Variants in IMMP2L observed in about 807,000 individuals in gnomAD.
IMMP2L encodes the protein inner mitochondrial membrane peptidase subunit 2, also known as mitochondrial inner membrane protease subunit 2.
A neutral mutation model predicts 19.3 loss-of-function variants in IMMP2L; 18 were observed. The observed-to-expected ratio is 0.93, with a 90% confidence interval of 0.64 to 1.38. IMMP2L has a LOEUF of 1.38. Ranked by LOEUF, IMMP2L falls within the 40% of genes most tolerant of loss-of-function variation. The pLI is 0.00. For synonymous variants in IMMP2L, 76 were observed against 73.0 expected, an observed-to-expected ratio of 1.04 and a Z score of -0.21; for missense variants, 233 against 218.2, an observed-to-expected ratio of 1.07 and a Z score of -0.43.
intron 3 of IMMP2L, chr7:111,091,157 G>GCACC (rs1796819535): frequency 6.6e-6 from 1 of 152,146 alleles, no homozygotes; most frequent in African/African-American, 2.4e-5. Context: ...GGTGAACGAT[G>GCACC]CACCACTAAC....
chr7:111,032,946 G>A (rs1465078095), intron 3 of IMMP2L, among the ~76,000 whole-genome samples: 2 of 151,630 alleles, frequency 1.3e-5, no homozygotes, highest in Admixed American at 1.3e-4. Context: ...ATGGTGAAAC[G>A]CCATCTCTAC....
intron 5 of IMMP2L, among the ~76,000 whole-genome samples, chr7:110,843,538 G>A (rs1352217322): frequency 6.6e-6 from 1 of 152,012 alleles, no homozygotes; most frequent in South Asian, 2.1e-4. Flanking sequence ...TATATTATTG[G>A]GTAAATATGT....
intron 3 of IMMP2L, among the ~76,000 whole-genome samples, chr7:111,418,691 T>G (rs1004476529): frequency 6.6e-6 from 1 of 151,772 alleles, no homozygotes; most frequent in African/African-American, 2.4e-5. Flanking sequence ...AATATATTGA[T>G]CAAATCAAAT....
rs1009753765 is a variant in IMMP2L, at chr7:111,411,493, T to C, written c.239+75745A>G. On this transcript the variant is annotated intron_variant, in intron 3 of 5. Transcript: ENST00000405709. The stretch of plus-strand genomic sequence containing the variant: ...TCACGGGCAAGCACGGCATGGGCTG[T>C]ATTGACATTATGGAGAACTGCTTCA... 6.6e-6 allele frequency: 3 copies of C among 455,938 alleles called. 1 individual carries two copies. Among genetic ancestry groups the C allele is most frequent in the African/African-American group, 4.1e-5 (2 of 49,144 alleles). The allele number at this position is 455,938 out of a possible 1,614,324, so 28.2% of individuals were successfully genotyped here. A position where few individuals can be genotyped will look rare whatever the true frequency, so the allele number is the denominator to read the frequency against.
At chr7:111,124,841 A>G in intron 3 of IMMP2L, 1 of 1,612,568 alleles carries the variant, frequency 6.2e-7, no homozygotes, top group Non-Finnish European at 8.5e-7. Context: ...GGAAAAGAAA[A>G]AAGTACATCA....
intron 3 of IMMP2L, among the ~76,000 whole-genome samples, chr7:111,061,066 A>T (rs531577352): frequency 6.6e-6 from 1 of 152,238 alleles, no homozygotes; most frequent in Non-Finnish European, 1.5e-5. Context: ...TCATGGTTGC[A>T]TTCCTAAAAC....
intron 3 of IMMP2L, among the ~76,000 whole-genome samples, chr7:111,323,948 A>G (rs545199323): frequency 5.3e-5 from 8 of 152,200 alleles, no homozygotes; most frequent in African/African-American, 1.7e-4. Context: ...CAATGAGAAC[A>G]CAGGGACACA....
chr7:110,992,762 C>T (rs1290916832), intron 3 of IMMP2L, among the ~76,000 whole-genome samples: 1 of 152,002 alleles, frequency 6.6e-6, no homozygotes, highest in East Asian at 1.9e-4. Context: ...AATATCAATA[C>T]AACTATAATT....
intron 3 of IMMP2L, among the ~76,000 whole-genome samples, chr7:111,444,823 T>C (rs1002478657): frequency 6.6e-6 from 1 of 152,082 alleles, no homozygotes; most frequent in East Asian, 1.9e-4. Context: ...GGTCTTCAAA[T>C]TGGAGTAGAT....
chr7:110,784,307 G>T (rs1169879684), intron 5 of IMMP2L, among the ~76,000 whole-genome samples: 2 of 151,824 alleles, frequency 1.3e-5, no homozygotes, highest in African/African-American at 4.8e-5. Flanking sequence ...GCATATATTT[G>T]ATCTTTAAAA....
intron 3 of IMMP2L, among the ~76,000 whole-genome samples, chr7:111,219,679 C>G (rs1353618026): frequency 6.6e-6 from 1 of 151,874 alleles, no homozygotes; most frequent in Non-Finnish European, 1.5e-5. Flanking sequence ...TGTCAGTATT[C>G]TATGATCTCA....
At chr7:110,995,045 T>C (rs1195792510) in intron 3 of IMMP2L, among the ~76,000 whole-genome samples, 1 of 152,136 alleles carries the variant, frequency 6.6e-6, no homozygotes, top group African/African-American at 2.4e-5. Context: ...GCAATCTCCA[T>C]TTCTGTTAGA....
chr7:111,319,632 C>A (rs73424003), intron 3 of IMMP2L, among the ~76,000 whole-genome samples: 40 of 152,186 alleles, frequency 2.6e-4, no homozygotes, highest in African/African-American at 9.4e-4. Flanking sequence ...CCCTCAATAA[C>A]AACCCTATAA....
At chr7:111,466,092 A>G (rs1003421580) in intron 3 of IMMP2L, among the ~76,000 whole-genome samples, 100 of 152,034 alleles carry the variant, frequency 6.6e-4, no homozygotes, top group Non-Finnish European at 4.0e-4. Context: ...ACCAAACACC[A>G]CTTGTTCTCA....
chr7:110,964,970 A>C (rs1358579544), intron 3 of IMMP2L, among the ~76,000 whole-genome samples: 1 of 152,000 alleles, frequency 6.6e-6, no homozygotes, highest in Non-Finnish European at 1.5e-5. Flanking sequence ...TTTGACTGCA[A>C]ATTCGTGAGA....
intron 3 of IMMP2L, among the ~76,000 whole-genome samples, chr7:111,275,113 T>G (rs1017705190): frequency 6.6e-6 from 1 of 152,168 alleles, no homozygotes; most frequent in Non-Finnish European, 1.5e-5. Context: ...GCAATTGCAC[T>G]GTGCATATTC....
At chr7:110,770,226 G>C (rs1232038304) in intron 5 of IMMP2L, among the ~76,000 whole-genome samples, 1 of 152,128 alleles carries the variant, frequency 6.6e-6, no homozygotes, top group Non-Finnish European at 1.5e-5. Flanking sequence ...TCAGGGGATG[G>C]AAGTGCTCAT....
intron 1 of IMMP2L, among the ~76,000 whole-genome samples, chr7:111,561,586 G>C (rs1342746906): frequency 6.6e-6 from 1 of 152,102 alleles, no homozygotes; most frequent in East Asian, 1.9e-4. Context: ...AACAGGTAAA[G>C]GGGAAGTGCA....
chr7:111,454,511 A>G (rs1295046948), intron 3 of IMMP2L, among the ~76,000 whole-genome samples: 2 of 152,098 alleles, frequency 1.3e-5, no homozygotes, highest in Non-Finnish European at 2.9e-5. Context: ...GGAAGTATAA[A>G]AGGAATTAAA....
Sources: gnomAD v4.1 joint callset for allele counts (sites outside exome capture counted in the v4.1 genomes callset) on GRCh38, gnomAD v4.1.1 for gene constraint, MANE v1.5 for transcripts, NCBI Gene and HGNC (gene_info 2026-07-23, HGNC 2026-07-21) for gene names.